The following ATP9B variants were observed in gnomAD, a reference collection of about 807,000 sequenced individuals.
The protein encoded by ATP9B is probable phospholipid-transporting ATPase IIB.
Under a neutral mutation model 146.1 loss-of-function variants are expected in ATP9B, and 110 were observed. The observed-to-expected ratio is 0.75, with a 90% CI of 0.65 to 0.88. The LOEUF (loss-of-function observed/expected upper bound fraction) is 0.88, where lower values mean the gene tolerates loss of function less well. Ranked by LOEUF, ATP9B falls within the 40% of genes least tolerant of loss-of-function variation. The pLI is 0.00. For synonymous variants in ATP9B, 604 were observed against 569.7 expected (o/e 1.06, Z -0.86); for missense variants, 1,499 against 1,496.4 (o/e 1.00, Z -0.03).
chr18:79,088,048 T>A lies in ATP9B; in HGVS notation c.120-8428T>A, dbSNP rs190322716. On this transcript the variant is annotated intron_variant, in intron 1 of 29. Transcript: ENST00000426216. ...TGAAAAAAATCCATTATTCATCATCTTATTGTTTTTAAATACTGAGGTAAA... is the reference window on the plus strand; with the variant it reads ...TGAAAAAAATCCATTATTCATCATCATATTGTTTTTAAATACTGAGGTAAA... 3.9e-5 allele frequency among the ~76,000 whole-genome samples: 6 copies of A among 152,364 alleles called. No homozygotes were observed. The East Asian group carries it at 1.2e-3, about 29-fold the overall frequency.
At chr18:79,186,035 G>T (rs1427215158) in intron 8 of ATP9B, among the ~76,000 whole-genome samples, 1 of 152,160 alleles carries the variant, frequency 6.6e-6, no homozygotes. Flanking sequence ...TAGCTGTCTG[G>T]AGGCACAGTT....
At chr18:79,107,264 TC>T (rs1335236486) in intron 2 of ATP9B, among the ~76,000 whole-genome samples, 1 of 152,220 alleles carries the variant, frequency 6.6e-6, no homozygotes, top group Non-Finnish European at 1.5e-5. Context: ...ATCTGGGATG[TC>T]CATTATGGTA....
chr18:79,232,211 G>T (rs1193798080), intron 11 of ATP9B, among the ~76,000 whole-genome samples: 1 of 152,128 alleles, frequency 6.6e-6, no homozygotes, highest in African/African-American at 2.4e-5. Context: ...TATCATGGGG[G>T]GAGCTGAGAA....
intron 1 of ATP9B, among the ~76,000 whole-genome samples, chr18:79,074,164 G>A (rs889620052): frequency 1.4e-4 from 22 of 152,104 alleles, no homozygotes; most frequent in African/African-American, 5.1e-4. Context: ...GGTATCACTG[G>A]GGCTCTTCCT....
chr18:79,255,236 C>G (rs1491003008), intron 12 of ATP9B: 1 of 152,246 alleles, frequency 6.6e-6, no homozygotes. Context: ...CCCCCGCCCA[C>G]TGGCTAAGTG....
intron 4 of ATP9B, among the ~76,000 whole-genome samples, chr18:79,124,139 C>T (rs1365928047): frequency 2.0e-5 from 3 of 150,246 alleles, no homozygotes; most frequent in Admixed American, 6.6e-5. Context: ...TACCATGTCA[C>T]CCAGAATAGG....
At chr18:79,206,629 T>G (rs969758816) in intron 9 of ATP9B, among the ~76,000 whole-genome samples, 2 of 59,242 alleles carry the variant, frequency 3.4e-5, no homozygotes, top group African/African-American at 7.9e-5. Flanking sequence ...ACCTCATAAA[T>G]AAATAAATAA....
intron 2 of ATP9B, among the ~76,000 whole-genome samples, chr18:79,105,926 T>C (rs2075624403): frequency 6.6e-6 from 1 of 152,158 alleles, no homozygotes; most frequent in Non-Finnish European, 1.5e-5. Context: ...GATGTAATAA[T>C]TGTCTAATTT....
At chr18:79,293,736 A>G (rs147051667) in intron 13 of ATP9B, among the ~76,000 whole-genome samples, 27 of 152,366 alleles carry the variant, frequency 1.8e-4, no homozygotes, top group African/African-American at 4.6e-4. Flanking sequence ...CCTGGCTCCA[A>G]TTAAGTAACT....
intron 12 of ATP9B, among the ~76,000 whole-genome samples, chr18:79,260,642 A>T (rs989944527): frequency 5.3e-5 from 8 of 152,234 alleles, no homozygotes; most frequent in African/African-American, 1.9e-4. Context: ...AGACAGGATG[A>T]GATGAGAGAA....
Position 79,126,307 on chromosome 18 carries a change from A to G in ATP9B, c.599A>G (p.Asp200Gly), listed in dbSNP as rs1267603413. 6.2e-7 allele frequency: 1 copy of G among 1,612,384 alleles called. No individual in the cohort carries two copies. Reference sequence around the variant, plus strand: ...GTTACTATGACACGGGAAGCAATTGATGAATTTCGGCGTTTTCAGCGTGAC... The same window carrying G: ...GTTACTATGACACGGGAAGCAATTGGTGAATTTCGGCGTTTTCAGCGTGAC... ...LAVTMTREAI[D>G]EFRRFQRDKE... The change falls in exon 5 of 30, where the codon GAT becomes GGT. Residue 200 changes from aspartate to glycine, a missense_variant. Asp to Gly is a moderately conservative substitution (Grantham distance 94). Coordinates refer to ENST00000426216, the MANE Select transcript of ATP9B (RefSeq NM_198531.5).
chr18:79,154,908 A>G (rs909346374), intron 7 of ATP9B, among the ~76,000 whole-genome samples: 1 of 152,248 alleles, frequency 6.6e-6, no homozygotes, highest in African/African-American at 2.4e-5. Flanking sequence ...CATCTAAATT[A>G]TATTTAATTG....
intron 1 of ATP9B, among the ~76,000 whole-genome samples, chr18:79,082,843 C>A (rs894048077): frequency 1.3e-5 from 2 of 152,188 alleles, no homozygotes; most frequent in Non-Finnish European, 2.9e-5. Context: ...TGTCTGTTGA[C>A]CCCTGCTAGG....
intron 6 of ATP9B, 91 bp downstream of exon 6, chr18:79,143,951 T>G: frequency 1.4e-6 from 1 of 732,290 alleles, no homozygotes. Context: ...TGAAAGAAAT[T>G]GAGACATGTA....
intron 2 of ATP9B, among the ~76,000 whole-genome samples, chr18:79,099,112 C>T (rs1291137891): frequency 6.6e-6 from 1 of 152,174 alleles, no homozygotes; most frequent in Non-Finnish European, 1.5e-5. Context: ...GATGAATGCT[C>T]AGGTCTCCAA....
intron 15 of ATP9B, 79 bp downstream of exon 15, chr18:79,307,313 A>G (rs2096625088): frequency 6.3e-7 from 1 of 1,585,746 alleles, no homozygotes; most frequent in Admixed American, 1.7e-5. Flanking sequence ...TCTTTCTGGG[A>G]TGGGGAATAT....
At position 79,209,215 on chromosome 18, in the gene ATP9B, T is replaced by C. The variant is rs1236657625; in HGVS notation, c.1030+2203T>C. Among the ~76,000 whole-genome samples, 48 of 152,188 alleles carry C rather than the reference T, an allele frequency of 3.2e-4. 2 individuals are homozygous for C. Among genetic ancestry groups the C allele is most frequent in the Admixed American group, 3.1e-3 (48 of 15,282 alleles). On this transcript the variant is annotated intron_variant, in intron 10 of 29. Transcript: ENST00000426216. ...TCCTTGAGTGCTCGGCCTTCAGTAG[T>C]TACACGAAAGCATTTATGATACAGG...
chr18:79,069,572 C>A, intron 1 of ATP9B, 43 bp downstream of exon 1: 1 of 1,237,880 alleles, frequency 8.1e-7, no homozygotes, highest in Non-Finnish European at 1.0e-6. Flanking sequence ...CGACGCTCCC[C>A]GGGGCCCCCA....
At chr18:79,164,851 G>C (rs2094940834) in intron 7 of ATP9B, among the ~76,000 whole-genome samples, 1 of 152,222 alleles carries the variant, frequency 6.6e-6, no homozygotes, top group Non-Finnish European at 1.5e-5. Context: ...TTTGTGTAGA[G>C]TAAGAGACCA....
Sources: gnomAD v4.1 joint callset for allele counts (sites outside exome capture counted in the v4.1 genomes callset) on GRCh38, gnomAD v4.1.1 for gene constraint, MANE v1.5 for transcripts, NCBI Gene and HGNC (gene_info 2026-07-23, HGNC 2026-07-21) for gene names.